The following CFTR variants were observed in gnomAD, a reference collection of about 807,000 sequenced individuals.
The protein encoded by CFTR is CF transmembrane conductance regulator.
CFTR carries 181 observed loss-of-function variants against 171.6 expected under a neutral mutation model. The ratio of observed to expected loss-of-function variants is 1.05; its 90% CI spans 0.93 to 1.19. The LOEUF (loss-of-function observed/expected upper bound fraction) is 1.19. Among genes scored for constraint, CFTR ranks in the 50% most tolerant of loss-of-function variants. CFTR has a pLI of 0.00. For missense variants in CFTR, 1,968 were observed against 1,734.7 expected (o/e 1.13, Z -2.39); for synonymous variants, 583 against 608.0 (o/e 0.96, Z 0.60).
intron 3 of CFTR, among the ~76,000 whole-genome samples, chr7:117,525,274 C>T (rs1049077460): frequency 1.3e-5 from 2 of 151,572 alleles, no homozygotes; most frequent in African/African-American, 4.9e-5. Context: ...TGTTCTTTTA[C>T]ATTTGCTGAG....
intron 1 of CFTR, among the ~76,000 whole-genome samples, chr7:117,500,570 G>A (rs952216254): frequency 6.6e-5 from 10 of 152,018 alleles, no homozygotes; most frequent in Admixed American, 2.6e-4. Context: ...GATTACAGGC[G>A]TGAGCCACCG....
intron 3 of CFTR, among the ~76,000 whole-genome samples, chr7:117,526,394 C>A (rs1239466480): frequency 2.0e-5 from 2 of 100,914 alleles, no homozygotes; most frequent in Admixed American, 1.2e-4. Flanking sequence ...GCACTAAATG[C>A]CTACAAGAGA....
intron 3 of CFTR, among the ~76,000 whole-genome samples, chr7:117,524,614 T>TA (rs1010989249): frequency 1.2e-4 from 19 of 152,124 alleles, no homozygotes; most frequent in African/African-American, 4.6e-4. Flanking sequence ...TTTCCTAATT[T>TA]AAAAAAGTTA....
intron 1 of CFTR, among the ~76,000 whole-genome samples, chr7:117,497,224 A>C (rs1368364076): frequency 6.6e-6 from 1 of 152,134 alleles, no homozygotes; most frequent in Non-Finnish European, 1.5e-5. Context: ...TATTACCAAG[A>C]CCTACCTCTT....
chr7:117,625,275 A>G (rs1792635055), intron 21 of CFTR, among the ~76,000 whole-genome samples: 2 of 152,178 alleles, frequency 1.3e-5, no homozygotes, highest in Admixed American at 1.3e-4. Context: ...ACAGACAATG[A>G]GTTGGAAAGT....
chr7:117,646,776 A>C (rs1584840040), intron 23 of CFTR, among the ~76,000 whole-genome samples: 1 of 152,098 alleles, frequency 6.6e-6, no homozygotes, highest in African/African-American at 2.4e-5. Context: ...AACTTAAGGG[A>C]GGAGAGAAAA....
intron 18 of CFTR, 108 bp downstream of exon 18, chr7:117,606,861 T>C (rs1792308691): frequency 7.9e-6 from 6 of 759,594 alleles, no homozygotes; most frequent in Middle Eastern, 2.5e-4. Context: ...GTTGAAGTCC[T>C]GTCTATTGCA....
rs543451413 is a variant in CFTR, at chr7:117,648,028, A to G, written c.3874-4814A>G. Among the ~76,000 whole-genome samples the G allele has an allele frequency of 1.8e-4, 26 of 147,648 alleles. 1 individual carries two copies. The highest frequency in any genetic ancestry group is 5.9e-4 in the African/African-American group (24 of 40,478). The stretch of plus-strand genomic sequence containing the variant: ...AGTGTGTGTGTGTGTGTGTGTGTAT[A>G]TATATATACACACACACATTATTTA... On this transcript the variant is annotated intron_variant, in intron 23 of 26. Transcript: ENST00000003084.
chr7:117,546,357 A>G (rs1174452911), intron 9 of CFTR, among the ~76,000 whole-genome samples: 1 of 150,820 alleles, frequency 6.6e-6, no homozygotes, highest in African/African-American at 2.4e-5. Flanking sequence ...CTGGTCTTGA[A>G]CTCCTGTTCT....
chr7:117,481,607 G>A (rs891829830), intron 1 of CFTR, among the ~76,000 whole-genome samples: 1 of 152,022 alleles, frequency 6.6e-6, no homozygotes, highest in South Asian at 2.1e-4. Context: ...TATTACAAAG[G>A]CTGCTAAGTG....
chr7:117,607,178 C>T (rs1792312602), intron 18 of CFTR, among the ~76,000 whole-genome samples: 1 of 152,188 alleles, frequency 6.6e-6, no homozygotes, highest in Non-Finnish European at 1.5e-5. Context: ...CCCATGAACA[C>T]TTTGGCACAG....
intron 9 of CFTR, among the ~76,000 whole-genome samples, chr7:117,543,772 C>A (rs890312014): frequency 6.6e-6 from 1 of 152,158 alleles, no homozygotes; most frequent in African/African-American, 2.4e-5. Flanking sequence ...TCTGGGCACC[C>A]CTTGATGGCA....
intron 3 of CFTR, among the ~76,000 whole-genome samples, chr7:117,518,048 T>C (rs1389740034): frequency 6.7e-6 from 1 of 149,708 alleles, no homozygotes; most frequent in Non-Finnish European, 1.5e-5. Context: ...AGAACATGTT[T>C]TATAGAGTTG....
chr7:117,481,634 A>G (rs535174737), intron 1 of CFTR, among the ~76,000 whole-genome samples: 2 of 152,304 alleles, frequency 1.3e-5, no homozygotes, highest in Non-Finnish European at 2.9e-5. Context: ...GAGCATACTC[A>G]TTTCTGTTCT....
At chr7:117,655,649 T>C (rs1184058090) in intron 24 of CFTR, among the ~76,000 whole-genome samples, 2 of 152,212 alleles carry the variant, frequency 1.3e-5, no homozygotes, top group Non-Finnish European at 2.9e-5. Flanking sequence ...ATTACCTTGT[T>C]CCAAAGCTGC....
chr7:117,587,085 G>T (rs1439010526), intron 11 of CFTR, among the ~76,000 whole-genome samples: 3 of 152,130 alleles, frequency 2.0e-5, no homozygotes, highest in Non-Finnish European at 4.4e-5. Flanking sequence ...TGCCTAGAAT[G>T]ATTGTTACCA....
intron 6 of CFTR, 113 bp downstream of exon 6, chr7:117,535,524 A>ACTTT (rs1798939101): frequency 1.3e-6 from 1 of 774,442 alleles, no homozygotes; most frequent in African/African-American, 2.1e-5. Context: ...AGTGTCATTA[A>ACTTT]ATTTTTTTTT....
In CFTR at chr7:117,614,724, T is replaced by C. The variant is rs756801357; in HGVS notation, c.3468+11T>C. The stretch of plus-strand genomic sequence containing the variant: ...GATGTGGATAGCTTGGTAAGTCTTA[T>C]CATCTTTTTAACTTTTATGAAAAAA... On this transcript the variant is annotated intron_variant, in intron 21 of 26. Coordinates refer to ENST00000003084, the MANE Select transcript of CFTR (RefSeq NM_000492.4). The C allele has an allele frequency of 2.5e-6, 4 of 1,586,276 alleles. No homozygotes were observed. The highest frequency in any genetic ancestry group is 3.3e-5 in the Admixed American group (2 of 59,868).
chr7:117,633,068 G>T (rs1273121034), intron 22 of CFTR, among the ~76,000 whole-genome samples: 2 of 152,248 alleles, frequency 1.3e-5, no homozygotes, highest in African/African-American at 2.4e-5. Flanking sequence ...CTGGGATTTT[G>T]ATTGTGATTG....
Sources: allele counts gnomAD v4.1 joint callset (sites outside exome capture counted in the v4.1 genomes callset), GRCh38; gene constraint gnomAD v4.1.1; transcripts MANE v1.5; gene names NCBI Gene and HGNC (gene_info 2026-07-23, HGNC 2026-07-21).